ARID4B: variants seen among roughly 807,000 people sequenced by gnomAD.
The protein encoded by ARID4B is AT-rich interaction domain 4B.
A neutral mutation model predicts 147.5 loss-of-function variants in ARID4B; 26 were observed. That is an observed-to-expected ratio of 0.18 (90% CI 0.13 to 0.24). The LOEUF (loss-of-function observed/expected upper bound fraction) is 0.24. ARID4B is among the 10% of genes least tolerant of loss of function. The pLI is 1.00. For missense variants in ARID4B, 1,179 were observed against 1,511.5 expected (o/e 0.78, Z 3.65); for synonymous variants, 512 against 507.9 (o/e 1.01, Z -0.11).
chr1:235,279,926 G>A (rs183201739), intron 2 of ARID4B, among the ~76,000 whole-genome samples: 20 of 152,222 alleles, frequency 1.3e-4, no homozygotes, highest in Admixed American at 3.3e-4. Flanking sequence ...TAACTCTACC[G>A]GGAGAAATTT....
At chr1:235,171,377 G>A (rs1467240975) in intron 23 of ARID4B, among the ~76,000 whole-genome samples, 2 of 152,020 alleles carry the variant, frequency 1.3e-5, no homozygotes, top group African/African-American at 2.4e-5. Flanking sequence ...AGGTTGTAGT[G>A]AGCTGAGATC....
chr1:235,196,867 A>AAG (rs1553286892), intron 17 of ARID4B, among the ~76,000 whole-genome samples: 7 of 151,588 alleles, frequency 4.6e-5, no homozygotes, highest in African/African-American at 1.4e-4. Context: ...AAAAAAAAAA[A>AAG]AAAAGAAATA....
intron 2 of ARID4B, among the ~76,000 whole-genome samples, chr1:235,326,037 C>G (rs571546016): frequency 6.6e-6 from 1 of 152,034 alleles, no homozygotes; most frequent in Non-Finnish European, 1.5e-5. Flanking sequence ...ACACTCTACC[C>G]TTTTCAAGCA....
intron 9 of ARID4B, among the ~76,000 whole-genome samples, chr1:235,234,184 T>C (rs1011256744): frequency 2.6e-5 from 4 of 152,196 alleles, no homozygotes; most frequent in African/African-American, 4.8e-5. Context: ...TAGACAGTAC[T>C]GAGTGTCTAG....
In ARID4B at chr1:235,219,833, T is replaced by G. The variant is rs955937508; in HGVS notation, c.1543A>C (p.Asn515His). 24 of 1,602,584 alleles carry G rather than the reference T, an allele frequency of 1.5e-5. No individual in the cohort carries two copies. Among genetic ancestry groups the G allele is most frequent in the Non-Finnish European group, 2.0e-5 (23 of 1,177,414 alleles). ...DDTTRVDESL[N>H]IKVEAEEEKA... The stretch of plus-strand genomic sequence containing the variant: ...TCTTCCTCAGCTTCTACCTTTATGT[T>G]GAGGGATTCATCTACCCTAGTTGTG... Residue 515 changes from asparagine to histidine, a missense_variant, in exon 16 of 24, where the codon AAC (asparagine) becomes CAC (histidine). Asn to His is a moderately conservative substitution (Grantham distance 68). Around this residue, in one of 10 missense-constraint regions of ARID4B, gnomAD observed 204 missense variants for 210.9 expected, o/e 0.97. Coordinates refer to ENST00000264183, the MANE Select transcript of ARID4B (RefSeq NM_016374.6).
chr1:235,174,196 C>G (rs1268860770), intron 22 of ARID4B, among the ~76,000 whole-genome samples: 4 of 151,904 alleles, frequency 2.6e-5, no homozygotes, highest in African/African-American at 9.7e-5. Flanking sequence ...CGTGCCACCA[C>G]GCGCAGCTAA....
At position 235,250,544 on chromosome 1, in the gene ARID4B, T is replaced by C. The variant is rs180897956; in HGVS notation, c.354+2186A>G. ...AGTAAGTATCCAAGGATAAGTTCCA[T>C]GTTTACATGGCTTGGTTTGATTAAT... On this transcript the variant is annotated intron_variant, in intron 6 of 23. Transcript: ENST00000264183. 1.4e-4 allele frequency among the ~76,000 whole-genome samples: 22 copies of C among 152,306 alleles called. No homozygotes were observed. In the East Asian group the frequency reaches 3.3e-3, roughly 23 times the overall value.
chr1:235,307,186 G>A (rs886856685), intron 2 of ARID4B, among the ~76,000 whole-genome samples: 6 of 152,188 alleles, frequency 3.9e-5, no homozygotes, highest in African/African-American at 1.4e-4. Context: ...GCTGATGTCT[G>A]TAATCCCAGT....
intron 2 of ARID4B, among the ~76,000 whole-genome samples, chr1:235,301,180 C>G (rs1189648221): frequency 6.6e-6 from 1 of 151,418 alleles, no homozygotes; most frequent in Non-Finnish European, 1.5e-5. Context: ...GCCACCACAC[C>G]CAGGCGAATC....
chr1:235,174,330 C>T (rs539664878), intron 22 of ARID4B, among the ~76,000 whole-genome samples: 181 of 152,176 alleles, frequency 1.2e-3, no homozygotes, highest in African/African-American at 3.4e-3. Context: ...TGAGCCACTG[C>T]GCCCAGCCAT....
At chr1:235,257,939 C>A (rs1670084391) in intron 3 of ARID4B, among the ~76,000 whole-genome samples, 1 of 152,166 alleles carries the variant, frequency 6.6e-6, no homozygotes, top group African/African-American at 2.4e-5. Flanking sequence ...GCAGCAAACA[C>A]TTAACTGAGA....
chr1:235,230,021 T>C (rs1453698690), intron 10 of ARID4B, among the ~76,000 whole-genome samples: 2 of 152,116 alleles, frequency 1.3e-5, no homozygotes, highest in African/African-American at 4.8e-5. Flanking sequence ...GTGCCAAAAA[T>C]CAAGTGACAG....
At chr1:235,292,298 A>C (rs1416848988) in intron 2 of ARID4B, among the ~76,000 whole-genome samples, 1 of 152,208 alleles carries the variant, frequency 6.6e-6, no homozygotes, top group African/African-American at 2.4e-5. Flanking sequence ...ACTGATTTAC[A>C]AATTAATAAA....
At chr1:235,309,585 T>G (rs1404350370) in intron 2 of ARID4B, among the ~76,000 whole-genome samples, 1 of 145,484 alleles carries the variant, frequency 6.9e-6, no homozygotes, top group Admixed American at 6.8e-5. Flanking sequence ...AGCCGCCCCG[T>G]CCGGGAGGTG....
At chr1:235,169,359 G>GC (rs1034305283) in intron 23 of ARID4B, among the ~76,000 whole-genome samples, 12 of 151,392 alleles carry the variant, frequency 7.9e-5, no homozygotes, top group African/African-American at 2.2e-4. Flanking sequence ...TCCTGCCTCA[G>GC]CCCCCCCAGT....
At chr1:235,301,061 T>TAAA (rs1673099808) in intron 2 of ARID4B, among the ~76,000 whole-genome samples, 1 of 146,232 alleles carries the variant, frequency 6.8e-6, no homozygotes, top group Admixed American at 6.8e-5. Flanking sequence ...TTTTTTTTTT[T>TAAA]TTAGTATACA....
intron 22 of ARID4B, among the ~76,000 whole-genome samples, chr1:235,173,274 G>A (rs2102896638): frequency 6.6e-6 from 1 of 152,282 alleles, no homozygotes; most frequent in East Asian, 1.9e-4. Flanking sequence ...AATCTGGAAG[G>A]TGGAGGTTGG....
At chr1:235,301,869 C>T (rs1673170933) in intron 2 of ARID4B, among the ~76,000 whole-genome samples, 1 of 151,920 alleles carries the variant, frequency 6.6e-6, no homozygotes, top group African/African-American at 2.4e-5. Flanking sequence ...TGCCTGCTAC[C>T]ACACCCAGCT....
At position 235,230,341 on chromosome 1, in the gene ARID4B, G is replaced by T. The variant is rs1440552120; in HGVS notation, c.742+772C>A. Among the ~76,000 whole-genome samples, 6 of 151,594 alleles carry T rather than the reference G, an allele frequency of 4.0e-5. No homozygotes were observed. The East Asian group carries it at 9.7e-4, about 24-fold the overall frequency. Reference sequence around the variant, plus strand: ...AGGCAGGACAATCGCTTGAACCCGGGAGGTGGAGGGTGCACCGAGATTGTA... The same window carrying T: ...AGGCAGGACAATCGCTTGAACCCGGTAGGTGGAGGGTGCACCGAGATTGTA... On this transcript the variant is annotated intron_variant, in intron 10 of 23. Transcript: ENST00000264183.
Sources: gnomAD v4.1 joint callset for allele counts (sites outside exome capture counted in the v4.1 genomes callset) on GRCh38, gnomAD v4.1.1 for gene constraint, gnomAD v4.1.1 regional missense constraint, MANE v1.5 for transcripts, NCBI Gene and HGNC (gene_info 2026-07-23, HGNC 2026-07-21) for gene names.